NXPE2: variants seen among roughly 807,000 people sequenced by gnomAD.
NXPE2 encodes the protein neurexophilin and PC-esterase domain family member 2, also known as NXPE family member 2.
A neutral mutation model predicts 34.4 loss-of-function variants in NXPE2; 34 were observed. That is an observed-to-expected ratio of 0.99 (90% CI 0.75 to 1.31). The LOEUF (loss-of-function observed/expected upper bound fraction) is 1.31. Among genes scored for constraint, NXPE2 ranks in the 40% most tolerant of loss-of-function variants. NXPE2 has a pLI of 0.00. For synonymous variants in NXPE2, 235 were observed against 231.3 expected, an observed-to-expected ratio of 1.02 and a Z score of -0.15; for missense variants, 649 against 672.5, an observed-to-expected ratio of 0.97 and a Z score of 0.39.
At chr11:114,638,103 A>G in the NXPE2 span, among the ~76,000 whole-genome samples, 8 of 151,268 alleles carry the variant, frequency 5.3e-5, no homozygotes, top group East Asian at 5.8e-4. Flanking sequence ...AGGTACACCA[A>G]TGAGATGTAG....
At chr11:114,636,703 C>T in the NXPE2 span, among the ~76,000 whole-genome samples, 2 of 152,130 alleles carry the variant, frequency 1.3e-5, no homozygotes, top group Admixed American at 1.3e-4. Flanking sequence ...TTTATTTCTG[C>T]CTTCATTTCG....
At chr11:114,695,830 A>AAC (rs67132329) in intron 2 of NXPE2, among the ~76,000 whole-genome samples, 35,104 of 132,434 alleles carry the variant, frequency 0.27, 4,622 homozygotes, top group East Asian at 0.35. Context: ...GTCTCTACTA[A>AAC]ACACACACAC....
the NXPE2 span, chr11:114,522,124 A>G: frequency 1.2e-6 from 2 of 1,614,126 alleles, no homozygotes; most frequent in Admixed American, 1.7e-5. Flanking sequence ...GATAGTGAAT[A>G]TAACCATGGA....
the NXPE2 span, among the ~76,000 whole-genome samples, chr11:114,803,584 C>CT: frequency 4.8e-4 from 69 of 144,586 alleles, no homozygotes; most frequent in Middle Eastern, 3.6e-3. Context: ...CTCTCTCTCT[C>CT]TTTTTTTTTT....
the NXPE2 span, among the ~76,000 whole-genome samples, chr11:114,643,761 GA>G: frequency 2.0e-5 from 3 of 151,902 alleles, no homozygotes; most frequent in African/African-American, 7.3e-5. Flanking sequence ...GGTACCATAT[GA>G]AACTTAAAGT....
chr11:114,550,211 G>A, the NXPE2 span, among the ~76,000 whole-genome samples: 1 of 152,118 alleles, frequency 6.6e-6, no homozygotes. Context: ...AGACAGGCCA[G>A]TTAGAAAGTT....
chr11:114,580,315 T>C, the NXPE2 span: 1 of 1,614,000 alleles, frequency 6.2e-7, no homozygotes, highest in Non-Finnish European at 8.5e-7. Context: ...AACTTGCATT[T>C]CTCTTTCATT....
the NXPE2 span, among the ~76,000 whole-genome samples, chr11:114,534,198 A>T: frequency 6.6e-6 from 1 of 152,166 alleles, no homozygotes; most frequent in Non-Finnish European, 1.5e-5. Flanking sequence ...CCTCCAGTAA[A>T]CTCCAACAGA....
chr11:114,638,227 CT>C, the NXPE2 span, among the ~76,000 whole-genome samples: 2 of 152,032 alleles, frequency 1.3e-5, no homozygotes, highest in Non-Finnish European at 2.9e-5. Flanking sequence ...TCTTTCATCA[CT>C]GATACACTTT....
the NXPE2 span, among the ~76,000 whole-genome samples, chr11:114,742,166 A>G: frequency 2.8e-4 from 42 of 152,258 alleles, no homozygotes; most frequent in South Asian, 8.1e-3. Context: ...TGAAGTTTGT[A>G]TACCTTCTGT....
At chr11:114,544,938 G>A in the NXPE2 span, among the ~76,000 whole-genome samples, 4 of 151,970 alleles carry the variant, frequency 2.6e-5, no homozygotes, top group South Asian at 2.1e-4. Flanking sequence ...GAAGAGACAC[G>A]CATTACAACT....
chr11:114,606,674 A>G, the NXPE2 span, among the ~76,000 whole-genome samples: 4 of 148,646 alleles, frequency 2.7e-5, no homozygotes, highest in African/African-American at 9.9e-5. Context: ...TAAGTATTGC[A>G]TCATGGGTCA....
the NXPE2 span, among the ~76,000 whole-genome samples, chr11:114,482,479 G>A: frequency 3.3e-5 from 5 of 152,080 alleles, no homozygotes; most frequent in Non-Finnish European, 5.9e-5. Context: ...ATGCTAACAT[G>A]ATTTTTTATT....
chr11:114,521,989 C>A, the NXPE2 span: 1 of 1,612,186 alleles, frequency 6.2e-7, no homozygotes, highest in Non-Finnish European at 8.5e-7. Context: ...AGTTTAAGAA[C>A]ATGTTAATCT....
intron 2 of NXPE2, among the ~76,000 whole-genome samples, chr11:114,686,158 A>T (rs1951042682): frequency 6.6e-6 from 1 of 152,084 alleles, no homozygotes; most frequent in South Asian, 2.1e-4. Flanking sequence ...GTACATGTGC[A>T]GGTTTCTTAT....
At chr11:114,592,652 A>G in the NXPE2 span, among the ~76,000 whole-genome samples, 1 of 152,152 alleles carries the variant, frequency 6.6e-6, no homozygotes, top group Non-Finnish European at 1.5e-5. Flanking sequence ...AATACCAATA[A>G]TATTCTTCAT....
At chr11:114,700,357 C>T (rs1179103154) in intron 3 of NXPE2, among the ~76,000 whole-genome samples, 2 of 152,102 alleles carry the variant, frequency 1.3e-5, no homozygotes, top group African/African-American at 4.8e-5. Flanking sequence ...AAAACGGTGT[C>T]AGGTAAGGCT....
chr11:114,738,941 A>C, the NXPE2 span, among the ~76,000 whole-genome samples: 1 of 152,188 alleles, frequency 6.6e-6, no homozygotes, highest in Admixed American at 6.5e-5. Flanking sequence ...TTTATTAAAA[A>C]TTCCTGAATT....
chr11:114,633,328 T>C, the NXPE2 span, among the ~76,000 whole-genome samples: 1 of 141,894 alleles, frequency 7.0e-6, no homozygotes, highest in Non-Finnish European at 1.5e-5. Flanking sequence ...TATTATGTGG[T>C]ATTACATTTT....
Sources: gnomAD v4.1 joint callset for allele counts (sites outside exome capture counted in the v4.1 genomes callset) on GRCh38, gnomAD v4.1.1 for gene constraint, MANE v1.5 for transcripts, NCBI Gene and HGNC (gene_info 2026-07-23, HGNC 2026-07-21) for gene names.